Variants in ARID5B observed in about 807,000 individuals in gnomAD.
The protein encoded by ARID5B is AT-rich interaction domain 5B, also known as AT-rich interactive domain-containing protein 5B.
A neutral mutation model predicts 97.2 loss-of-function variants in ARID5B; 13 were observed. The ratio of observed to expected loss-of-function variants is 0.13; its 90% confidence interval spans 0.09 to 0.21. ARID5B has a LOEUF of 0.21. ARID5B is among the 10% of genes least tolerant of loss of function. ARID5B has a pLI of 1.00. For missense variants in ARID5B, 1,210 were observed against 1,465.3 expected, an observed-to-expected ratio of 0.83 and a Z score of 2.84; for synonymous variants, 556 against 570.3, an observed-to-expected ratio of 0.97 and a Z score of 0.36.
chr10:61,955,135 C>T (rs186273363), intron 3 of ARID5B, among the ~76,000 whole-genome samples: 95 of 152,158 alleles, frequency 6.2e-4, no homozygotes, highest in African/African-American at 2.2e-3. Context: ...TTTCTAAAAC[C>T]TCAATAGCTG....
intron 2 of ARID5B, among the ~76,000 whole-genome samples, chr10:61,929,117 T>C (rs1007569974): frequency 6.6e-6 from 1 of 152,090 alleles, no homozygotes; most frequent in East Asian, 1.9e-4. Flanking sequence ...CTTAACAGAG[T>C]TCCTTCATTT....
At position 61,948,380 on chromosome 10, in the gene ARID5B, A is replaced by ATTTT. The variant is rs71470784; in HGVS notation, c.502+7989_502+7992dup. 3.1e-4 allele frequency among the ~76,000 whole-genome samples: 27 copies of ATTTT among 86,188 alleles called. 1 individual carries two copies. Among genetic ancestry groups the ATTTT allele is most frequent in the African/African-American group, 1.1e-3 (23 of 21,074 alleles). 56.5% of individuals were successfully genotyped at this position (86,188 alleles called of 152,430 possible). The stretch of plus-strand genomic sequence containing the variant: ...CTTATCTTAGGATACACTTTAGGTA[A>ATTTT]TTTTTTTTTTTTTTTTTTTTGAGAT... On this transcript the variant is annotated intron_variant, in intron 3 of 9. Transcript: ENST00000279873.
At chr10:61,978,169 T>C (rs1478078433) in intron 3 of ARID5B, among the ~76,000 whole-genome samples, 1 of 152,206 alleles carries the variant, frequency 6.6e-6, no homozygotes, top group Non-Finnish European at 1.5e-5. Flanking sequence ...CAGATGGTTG[T>C]AGATGTGTGG....
chr10:61,935,303 A>C (rs10994973), intron 2 of ARID5B, among the ~76,000 whole-genome samples: 11,150 of 152,178 alleles, frequency 0.073, 492 homozygotes, highest in East Asian at 0.16. Flanking sequence ...ATTGAAACAA[A>C]CCAGATGTCC....
intron 4 of ARID5B, among the ~76,000 whole-genome samples, chr10:62,027,059 G>T (rs548792568): frequency 6.6e-6 from 1 of 152,096 alleles, no homozygotes; most frequent in Non-Finnish European, 1.5e-5. Flanking sequence ...GGGTAAGAAG[G>T]CTCTTGACAG....
chr10:61,902,482 C>T, intron 2 of ARID5B, 69 bp downstream of exon 2: 1 of 1,564,344 alleles, frequency 6.4e-7, no homozygotes. Flanking sequence ...TATTACAGGG[C>T]AAGCTTGAAA....
intron 3 of ARID5B, among the ~76,000 whole-genome samples, chr10:61,981,188 C>T (rs1291739934): frequency 1.3e-5 from 2 of 152,134 alleles, no homozygotes; most frequent in African/African-American, 2.4e-5. Context: ...GGGCTTAGAG[C>T]TTGCCTGTCT....
At chr10:61,956,179 G>A (rs1034494154) in intron 3 of ARID5B, among the ~76,000 whole-genome samples, 3 of 152,186 alleles carry the variant, frequency 2.0e-5, no homozygotes, top group African/African-American at 7.2e-5. Context: ...AAAGTGAGTA[G>A]CCTGCCTGAA....
intron 3 of ARID5B, among the ~76,000 whole-genome samples, chr10:61,995,364 G>A (rs946616245): frequency 2.0e-5 from 3 of 152,290 alleles, no homozygotes; most frequent in East Asian, 1.9e-4. Context: ...TATGAAATGC[G>A]TGGGCAAGAA....
At chr10:61,925,367 T>C (rs1844085873) in intron 2 of ARID5B, among the ~76,000 whole-genome samples, 1 of 152,132 alleles carries the variant, frequency 6.6e-6, no homozygotes. Context: ...TTGGGCTCAT[T>C]TATCTTCTTT....
chr10:62,089,057 G>C (rs1840330888), intron 9 of ARID5B, among the ~76,000 whole-genome samples: 1 of 152,178 alleles, frequency 6.6e-6, no homozygotes, highest in Non-Finnish European at 1.5e-5. Flanking sequence ...ACTTCAATGA[G>C]ACTGAGTATC....
At chr10:61,948,679 T>A (rs1181267899) in intron 3 of ARID5B, among the ~76,000 whole-genome samples, 7 of 152,158 alleles carry the variant, frequency 4.6e-5, no homozygotes, top group Non-Finnish European at 1.0e-4. Flanking sequence ...GTGATTTTTT[T>A]ATACCATTTA....
At chr10:62,052,067 G>A (rs1437569587) in intron 5 of ARID5B, among the ~76,000 whole-genome samples, 1 of 152,094 alleles carries the variant, frequency 6.6e-6, no homozygotes, top group Non-Finnish European at 1.5e-5. Flanking sequence ...TGTTTCATTA[G>A]GAAATTTTAA....
intron 3 of ARID5B, among the ~76,000 whole-genome samples, chr10:61,944,989 A>G (rs1844477148): frequency 6.6e-6 from 1 of 152,214 alleles, no homozygotes; most frequent in African/African-American, 2.4e-5. Context: ...GTCCCATCAA[A>G]TTGAGAAAGA....
rs199637139 is a variant in ARID5B, at chr10:62,092,165, C to G, written c.2702C>G (p.Thr901Arg). 1.9e-6 allele frequency: 3 copies of G among 1,608,914 alleles called. No individual in the cohort carries two copies. Among genetic ancestry groups the G allele is most frequent in the Non-Finnish European group, 2.5e-6 (3 of 1,177,918 alleles). Residue 901 changes from threonine to arginine, a missense_variant, in exon 10 of 10, where the codon ACG (threonine) becomes AGG (arginine). This residue lies in a region of ARID5B where 800 missense variants were observed against 839.1 expected (regional missense o/e 0.95). Transcript: ENST00000279873. ...AAGTCGGCGGCAGCAGAAGCCCCTA[C>G]GGATGATCAGCCTACAGATCTGAGC... ...DKKSAAAEAP[T>R]DDQPTDLSLP...
At chr10:61,923,765 A>C (rs576409447) in intron 2 of ARID5B, among the ~76,000 whole-genome samples, 1 of 152,160 alleles carries the variant, frequency 6.6e-6, no homozygotes, top group Non-Finnish European at 1.5e-5. Context: ...CCAGGAAAGG[A>C]GCAGGAGACT....
At chr10:62,069,564 A>G (rs2132953337) in intron 7 of ARID5B, 136 bp from the exon 8 acceptor site, 1 of 715,782 alleles carries the variant, frequency 1.4e-6, no homozygotes, top group Non-Finnish European at 2.4e-6. Context: ...AAATCACCCC[A>G]TATACTCTTT....
intron 7 of ARID5B, among the ~76,000 whole-genome samples, chr10:62,067,397 A>C (rs1302094201): frequency 1.3e-5 from 2 of 152,194 alleles, no homozygotes; most frequent in Admixed American, 6.5e-5. Flanking sequence ...CTTCTGTTCT[A>C]ACTAGAGATA....
intron 5 of ARID5B, among the ~76,000 whole-genome samples, chr10:62,054,827 A>G (rs1237512584): frequency 6.6e-6 from 1 of 152,178 alleles, no homozygotes; most frequent in African/African-American, 2.4e-5. Flanking sequence ...TGGGGTTTGG[A>G]GTGGGGCAGA....
Sources: allele counts gnomAD v4.1 joint callset (sites outside exome capture counted in the v4.1 genomes callset), GRCh38; gene constraint gnomAD v4.1.1; regional missense constraint gnomAD v4.1.1; transcripts MANE v1.5; gene names NCBI Gene and HGNC (gene_info 2026-07-23, HGNC 2026-07-21).